The following NXN variants were observed in gnomAD, a reference collection of about 807,000 sequenced individuals.
NXN encodes nucleoredoxin 1.
A neutral mutation model predicts 48.6 loss-of-function variants in NXN; 16 were observed. The observed-to-expected ratio is 0.33, with a 90% CI of 0.22 to 0.50. The LOEUF (loss-of-function observed/expected upper bound fraction) is 0.50, where lower values mean the gene tolerates loss of function less well. Among genes scored for constraint, NXN ranks in the 20% least tolerant of loss-of-function variants. The probability of loss-of-function intolerance (pLI) is 0.98; values close to 1 mark genes in which losing one functional copy is unlikely to be tolerated. For synonymous variants in NXN, 281 were observed against 269.6 expected (o/e 1.04, Z -0.41); for missense variants, 492 against 605.5 (o/e 0.81, Z 1.97).
intron 1 of NXN, chr17:864,184 G>T: frequency 6.7e-7 from 1 of 1,484,942 alleles, no homozygotes; most frequent in Non-Finnish European, 9.0e-7. Flanking sequence ...GTCTGCCGTT[G>T]CTCGGTTCCG....
At chr17:828,690 C>A (rs1201149967) in intron 1 of NXN, among the ~76,000 whole-genome samples, 3 of 152,178 alleles carry the variant, frequency 2.0e-5, no homozygotes, top group African/African-American at 4.8e-5. Context: ...GCGTGGGCCA[C>A]CGCACCCGGC....
chr17:938,303 C>A (rs1401039153), intron 1 of NXN, among the ~76,000 whole-genome samples: 2 of 152,216 alleles, frequency 1.3e-5, no homozygotes, highest in Non-Finnish European at 2.9e-5. Flanking sequence ...CTAGAGCAGG[C>A]GGCAAGAGCT....
At chr17:939,845 T>C (rs189377526) in intron 1 of NXN, among the ~76,000 whole-genome samples, 1 of 152,354 alleles carries the variant, frequency 6.6e-6, no homozygotes, top group East Asian at 1.9e-4. Context: ...TGATCCATTA[T>C]TACTTTTTAA....
chr17:819,399 T>G (rs1389740852), intron 5 of NXN, 40 bp downstream of exon 5: 1 of 1,430,874 alleles, frequency 7.0e-7, no homozygotes, highest in Middle Eastern at 1.8e-4. Context: ...GGTGAGCAGG[T>G]TTCCAGGAGC....
chr17:808,603 A>G (rs956137759), intron 5 of NXN, among the ~76,000 whole-genome samples: 4 of 150,462 alleles, frequency 2.7e-5, no homozygotes, highest in Non-Finnish European at 5.9e-5. Context: ...CCAGTGTAAA[A>G]CACTTATTAG....
intron 1 of NXN, among the ~76,000 whole-genome samples, chr17:976,258 C>T (rs1419696511): frequency 6.6e-6 from 1 of 151,150 alleles, no homozygotes; most frequent in Non-Finnish European, 1.5e-5. Flanking sequence ...GCAGGCTTAA[C>T]ATATACGGTC....
chr17:799,915 A>C lies in NXN; in HGVS notation c.*1034T>G, dbSNP rs1911116735. The C allele has an allele frequency of 6.6e-6, 1 of 152,296 alleles. No individual in the cohort carries two copies. Among genetic ancestry groups the C allele is most frequent in the Non-Finnish European group, 1.5e-5 (1 of 68,082 alleles). The allele number at this position is 152,296 out of a possible 1,614,324, so 9.4% of individuals were successfully genotyped here. A position where few individuals can be genotyped will look rare whatever the true frequency, so the allele number is the denominator to read the frequency against. Reference sequence around the variant, plus strand: ...TGGATCACCTGAGGTCAGGAGTTCGAGACCAGCCTGGCCAACATGGTGAAA... The same window carrying C: ...TGGATCACCTGAGGTCAGGAGTTCGCGACCAGCCTGGCCAACATGGTGAAA... On this transcript the variant is annotated 3_prime_UTR_variant, in exon 8 of 8. Coordinates refer to ENST00000336868, the MANE Select transcript of NXN (RefSeq NM_022463.5).
At chr17:818,534 G>C (rs1352437567) in intron 5 of NXN, among the ~76,000 whole-genome samples, 2 of 152,246 alleles carry the variant, frequency 1.3e-5, no homozygotes, top group Non-Finnish European at 2.9e-5. Flanking sequence ...GTAAACCTTT[G>C]GGATAAGATT....
At chr17:897,117 TC>T (rs2068495268) in intron 1 of NXN, 1 of 965,788 alleles carries the variant, frequency 1.0e-6, no homozygotes, top group Non-Finnish European at 1.3e-6. Context: ...GAAAATTATT[TC>T]CCATGGGAGA....
chr17:841,552 A>ATCTCACACCCACGG (rs1914270973), intron 1 of NXN, among the ~76,000 whole-genome samples: 4 of 74,416 alleles, frequency 5.4e-5, no homozygotes, highest in Non-Finnish European at 2.6e-5. Context: ...CACGCCGGCG[A>ATCTCACACCCACGG]GCAGGTCCCC....
intron 1 of NXN, among the ~76,000 whole-genome samples, chr17:874,292 T>C (rs918127234): frequency 3.9e-5 from 6 of 152,142 alleles, no homozygotes; most frequent in African/African-American, 1.4e-4. Flanking sequence ...CTTTCCTTTA[T>C]AAATTACCCA....
At chr17:889,585 G>A (rs906759400) in intron 1 of NXN, among the ~76,000 whole-genome samples, 1 of 152,012 alleles carries the variant, frequency 6.6e-6, no homozygotes, top group African/African-American at 2.4e-5. Flanking sequence ...TCCCAGCTAG[G>A]AGAATCGCTT....
At chr17:924,070 G>A (rs1301059093) in intron 1 of NXN, among the ~76,000 whole-genome samples, 2 of 142,770 alleles carry the variant, frequency 1.4e-5, no homozygotes, top group African/African-American at 5.1e-5. Flanking sequence ...TTCTCAAAAA[G>A]TTTTTTTTTT....
intron 6 of NXN, among the ~76,000 whole-genome samples, chr17:804,796 T>C (rs981229853): frequency 5.3e-5 from 8 of 152,176 alleles, no homozygotes; most frequent in African/African-American, 1.9e-4. Context: ...GGTCTGCGCA[T>C]GGGGGCCCCG....
chr17:893,958 ATCTC>A (rs1362001699), intron 1 of NXN, among the ~76,000 whole-genome samples: 3 of 111,636 alleles, frequency 2.7e-5, no homozygotes, highest in Admixed American at 8.9e-5. Flanking sequence ...CAGAGGAAGC[ATCTC>A]AACCCCCGGA....
intron 1 of NXN, among the ~76,000 whole-genome samples, chr17:939,135 C>T (rs141908080): frequency 2.7e-3 from 407 of 152,202 alleles, no homozygotes; most frequent in African/African-American, 9.3e-3. Context: ...CTAGCAATTC[C>T]TCTTCTAGGA....
At chr17:859,349 G>A (rs904773076) in intron 1 of NXN, among the ~76,000 whole-genome samples, 5 of 152,176 alleles carry the variant, frequency 3.3e-5, no homozygotes, top group African/African-American at 9.7e-5. Context: ...GAGCGATTCC[G>A]ACTGAGGTCA....
At chr17:861,203 G>T (rs377026614) in intron 1 of NXN, among the ~76,000 whole-genome samples, 1 of 151,938 alleles carries the variant, frequency 6.6e-6, no homozygotes, top group Non-Finnish European at 1.5e-5. Flanking sequence ...GCACCATCTC[G>T]GCTCACTGCA....
intron 1 of NXN, among the ~76,000 whole-genome samples, chr17:926,477 G>A (rs1464775353): frequency 6.6e-6 from 1 of 151,464 alleles, no homozygotes; most frequent in Admixed American, 6.6e-5. Context: ...GAGCCACTGT[G>A]CCCGGCTCTC....
Sources: allele counts gnomAD v4.1 joint callset (sites outside exome capture counted in the v4.1 genomes callset), GRCh38; gene constraint gnomAD v4.1.1; transcripts MANE v1.5; gene names NCBI Gene and HGNC (gene_info 2026-07-23, HGNC 2026-07-21).